CASQ2: variants seen among roughly 807,000 people sequenced by gnomAD.
CASQ2 encodes the protein calsequestrin 2.
A neutral mutation model predicts 46.5 loss-of-function variants in CASQ2; 49 were observed. That is an observed-to-expected ratio of 1.05 (90% confidence interval 0.84 to 1.34). The LOEUF is 1.34. Ranked by LOEUF, CASQ2 falls within the 40% of genes most tolerant of loss-of-function variation. CASQ2 has a pLI of 0.00. For synonymous variants in CASQ2, 174 were observed against 168.5 expected (o/e 1.03, Z -0.25); for missense variants, 486 against 481.3 (o/e 1.01, Z -0.09).
At chr1:115,744,955 G>C in intron 1 of CASQ2, 43 bp from the exon 2 acceptor site, 1 of 1,362,148 alleles carries the variant, frequency 7.3e-7, no homozygotes, top group Non-Finnish European at 1.1e-6. Context: ...AGGGCAGAAA[G>C]ATGGTAGAAA....
intron 2 of CASQ2, among the ~76,000 whole-genome samples, chr1:115,744,245 G>GCACTTA (rs1053239131): frequency 1.3e-5 from 2 of 152,120 alleles, no homozygotes; most frequent in African/African-American, 4.8e-5. Context: ...AAAGTGCACT[G>GCACTTA]CACTTAAGCA....
At chr1:115,734,012 G>A (rs193023878) in intron 4 of CASQ2, among the ~76,000 whole-genome samples, 4 of 152,306 alleles carry the variant, frequency 2.6e-5, no homozygotes, top group Admixed American at 2.0e-4. Context: ...TCAAAATGCA[G>A]CATGATAGTT....
chr1:115,726,115 G>A (rs1168582094), intron 6 of CASQ2, among the ~76,000 whole-genome samples: 1 of 152,144 alleles, frequency 6.6e-6, no homozygotes, highest in African/African-American at 2.4e-5. Context: ...TCCAAGTACT[G>A]CCTTCCTGAA....
chr1:115,735,072 C>G (rs548597462), intron 4 of CASQ2, among the ~76,000 whole-genome samples: 1 of 152,262 alleles, frequency 6.6e-6, no homozygotes, highest in South Asian at 2.1e-4. Context: ...GATAGTACAG[C>G]TACAATGACA....
At chr1:115,712,165 A>G (rs540435244) in intron 8 of CASQ2, among the ~76,000 whole-genome samples, 3 of 152,290 alleles carry the variant, frequency 2.0e-5, no homozygotes, top group East Asian at 3.9e-4. Flanking sequence ...GGGACAGACA[A>G]GGCTGGGAGC....
intron 9 of CASQ2, among the ~76,000 whole-genome samples, chr1:115,704,148 G>T (rs1167784423): frequency 2.6e-5 from 4 of 152,202 alleles, no homozygotes; most frequent in Non-Finnish European, 5.9e-5. Context: ...ACATAGGGCT[G>T]ATTTTCAGGA....
chr1:115,737,196 C>T (rs1446838099), intron 4 of CASQ2, among the ~76,000 whole-genome samples: 2 of 152,112 alleles, frequency 1.3e-5, no homozygotes, highest in Non-Finnish European at 2.9e-5. Flanking sequence ...GGCAAATCTC[C>T]CTGGTTAGCC....
At chr1:115,750,636 G>A (rs956047291) in intron 1 of CASQ2, among the ~76,000 whole-genome samples, 6 of 152,088 alleles carry the variant, frequency 3.9e-5, no homozygotes, top group African/African-American at 1.2e-4. Flanking sequence ...AGTCCCCTGA[G>A]TAGCTGGGAC....
chr1:115,712,853 C>CAA (rs1349796492), intron 8 of CASQ2, among the ~76,000 whole-genome samples: 1,777 of 117,622 alleles, frequency 0.015, 49 homozygotes, highest in African/African-American at 0.054. Context: ...GAGACTGCCT[C>CAA]AAAAAAAAAA....
chr1:115,715,691 G>A (rs543598440), intron 8 of CASQ2, among the ~76,000 whole-genome samples: 1 of 152,238 alleles, frequency 6.6e-6, no homozygotes, highest in South Asian at 2.1e-4. Context: ...TATGGTATAT[G>A]GATTATATCT....
intron 9 of CASQ2, among the ~76,000 whole-genome samples, chr1:115,704,855 C>T (rs532453697): frequency 6.6e-6 from 1 of 152,316 alleles, no homozygotes; most frequent in Non-Finnish European, 1.5e-5. Context: ...CGATGGTCCC[C>T]ACCCAGAAAA....
At chr1:115,702,424 C>T (rs528142261) in intron 10 of CASQ2, among the ~76,000 whole-genome samples, 3 of 152,328 alleles carry the variant, frequency 2.0e-5, no homozygotes, top group South Asian at 2.1e-4. Flanking sequence ...GTCCCACCCT[C>T]GGTTCAACAA....
chr1:115,768,034 C>T lies in CASQ2; in HGVS notation c.234+274G>A, dbSNP rs980157756. Among the ~76,000 whole-genome samples, 8 of 152,034 alleles carry T rather than the reference C, an allele frequency of 5.3e-5. No homozygotes were observed. In the East Asian group the frequency reaches 1.5e-3, roughly 29 times the overall value. ...GGGAAACAATGGCTGGGACAAGGGC[C>T]CTTGAAAAGTCAAGGGGGCCATAAA... On this transcript the variant is annotated intron_variant, in intron 1 of 10. Coordinates refer to ENST00000261448, the MANE Select transcript of CASQ2 (RefSeq NM_001232.4).
At chr1:115,765,796 T>C (rs1025214762) in intron 1 of CASQ2, among the ~76,000 whole-genome samples, 2 of 152,146 alleles carry the variant, frequency 1.3e-5, no homozygotes, top group African/African-American at 4.8e-5. Flanking sequence ...GAGACCACAC[T>C]GCCTGTTGGA....
At chr1:115,745,474 G>C (rs1292824405) in intron 1 of CASQ2, among the ~76,000 whole-genome samples, 2 of 152,158 alleles carry the variant, frequency 1.3e-5, no homozygotes, top group Non-Finnish European at 2.9e-5. Flanking sequence ...AGTATCGGGG[G>C]TCAGGGGTTC....
At chr1:115,713,615 T>G (rs912663662) in intron 8 of CASQ2, among the ~76,000 whole-genome samples, 1 of 152,198 alleles carries the variant, frequency 6.6e-6, no homozygotes, top group East Asian at 1.9e-4. Context: ...TGCTGCTGTG[T>G]AATCTTAGAT....
At chr1:115,723,434 G>A (rs916095313) in intron 7 of CASQ2, among the ~76,000 whole-genome samples, 1 of 151,876 alleles carries the variant, frequency 6.6e-6, no homozygotes, top group Non-Finnish European at 1.5e-5. Flanking sequence ...CACTATTTTG[G>A]TACATCTGAA....
chr1:115,716,205 A>T (rs1450760851), intron 8 of CASQ2, among the ~76,000 whole-genome samples: 2 of 152,236 alleles, frequency 1.3e-5, no homozygotes, highest in Non-Finnish European at 2.9e-5. Context: ...TGTCTCACAG[A>T]GCACTGCCAT....
At chr1:115,731,567 A>T (rs535381477) in intron 5 of CASQ2, among the ~76,000 whole-genome samples, 7 of 152,234 alleles carry the variant, frequency 4.6e-5, no homozygotes, top group Non-Finnish European at 7.3e-5. Flanking sequence ...ATAGCTGGCT[A>T]ACTATTACTG....
Sources: allele counts gnomAD v4.1 joint callset (sites outside exome capture counted in the v4.1 genomes callset), GRCh38; gene constraint gnomAD v4.1.1; transcripts MANE v1.5; gene names NCBI Gene and HGNC (gene_info 2026-07-23, HGNC 2026-07-21).